Variants in SLC22A3 observed in about 807,000 individuals in gnomAD.
The protein encoded by SLC22A3 is EMT organic cation transporter 3.
A neutral mutation model predicts 59.1 loss-of-function variants in SLC22A3; 51 were observed. The observed-to-expected ratio is 0.86, with a 90% confidence interval of 0.69 to 1.09. The LOEUF (loss-of-function observed/expected upper bound fraction) is 1.09. Ranked by LOEUF, SLC22A3 falls within the 50% of genes least tolerant of loss-of-function variation. The pLI, the probability that SLC22A3 is intolerant of heterozygous loss-of-function variation, is 0.00. For missense variants in SLC22A3, 711 were observed against 726.3 expected, an observed-to-expected ratio of 0.98 and a Z score of 0.24; for synonymous variants, 325 against 292.0, an observed-to-expected ratio of 1.11 and a Z score of -1.15.
Position 160,369,466 on chromosome 6 carries a change from C to T in SLC22A3, c.429+20618C>T, listed in dbSNP as rs1785322400. Among the ~76,000 whole-genome samples, 4 of 152,122 alleles carry T rather than the reference C, an allele frequency of 2.6e-5. 1 individual carries two copies. Among genetic ancestry groups the T allele is most frequent in the South Asian group, 4.1e-4 (2 of 4,832 alleles). ...GATCTTTATTGCCCACTTTATAGTT[C>T]TGTATTTTCATCTCCATTTTTTAAT... On this transcript the variant is annotated intron_variant, in intron 1 of 10. Coordinates refer to ENST00000275300, the MANE Select transcript of SLC22A3 (RefSeq NM_021977.4).
chr6:160,440,747 C>A (rs1481286191), intron 7 of SLC22A3, among the ~76,000 whole-genome samples: 1 of 152,140 alleles, frequency 6.6e-6, no homozygotes, highest in Non-Finnish European at 1.5e-5. Flanking sequence ...AGAAACTTTT[C>A]TTTGGTTACA....
chr6:160,371,091 C>G (rs531300522), intron 1 of SLC22A3, among the ~76,000 whole-genome samples: 1 of 152,302 alleles, frequency 6.6e-6, no homozygotes, highest in Non-Finnish European at 1.5e-5. Context: ...TGGGGCTCAC[C>G]TGGAAGCTTC....
intron 1 of SLC22A3, among the ~76,000 whole-genome samples, chr6:160,375,615 A>G (rs1013002658): frequency 1.3e-5 from 2 of 152,242 alleles, no homozygotes; most frequent in African/African-American, 2.4e-5. Flanking sequence ...TGGCAAAAAT[A>G]TGATGAAAGT....
rs764173637 is a variant in SLC22A3, at chr6:160,398,086, G to T, written c.533+4G>T. ...CCTTAGGCTATGCAGCAGACAGGTA[G>T]GTACCAATGTGACAGCCATTTTATG... On this transcript the variant is annotated splice_donor_region_variant and intron_variant, in intron 2 of 10. Coordinates refer to ENST00000275300, the MANE Select transcript of SLC22A3 (RefSeq NM_021977.4). The T allele has an allele frequency of 1.9e-6, 3 of 1,606,816 alleles. No homozygotes were observed. The highest frequency in any genetic ancestry group is 2.6e-6 in the Non-Finnish European group (3 of 1,173,522).
At chr6:160,432,568 CAGATG>C (rs1788191100) in intron 5 of SLC22A3, among the ~76,000 whole-genome samples, 2 of 152,048 alleles carry the variant, frequency 1.3e-5, no homozygotes, top group South Asian at 4.2e-4. Flanking sequence ...GCTGGGATTA[CAGATG>C]CCCACCACCA....
chr6:160,418,074 A>T (rs1360415739), intron 5 of SLC22A3, among the ~76,000 whole-genome samples: 1 of 152,178 alleles, frequency 6.6e-6, no homozygotes, highest in African/African-American at 2.4e-5. Flanking sequence ...ATAGCTGGGA[A>T]AGTATTGTTT....
chr6:160,374,712 C>G (rs1785526472), intron 1 of SLC22A3, among the ~76,000 whole-genome samples: 1 of 152,142 alleles, frequency 6.6e-6, no homozygotes, highest in Non-Finnish European at 1.5e-5. Flanking sequence ...CACCACAGGG[C>G]TCATCTCTGG....
At chr6:160,380,911 G>A (rs1467546265) in intron 1 of SLC22A3, among the ~76,000 whole-genome samples, 1 of 152,166 alleles carries the variant, frequency 6.6e-6, no homozygotes, top group African/African-American at 2.4e-5. Flanking sequence ...TCAGCTTCTA[G>A]AGCGAACTGA....
At chr6:160,431,083 C>T (rs1788134832) in intron 5 of SLC22A3, among the ~76,000 whole-genome samples, 1 of 152,144 alleles carries the variant, frequency 6.6e-6, no homozygotes, top group African/African-American at 2.4e-5. Flanking sequence ...GTTTATTGTA[C>T]ATAAATTACA....
intron 1 of SLC22A3, among the ~76,000 whole-genome samples, chr6:160,356,025 T>C (rs1280787315): frequency 6.6e-6 from 1 of 152,170 alleles, no homozygotes; most frequent in Non-Finnish European, 1.5e-5. Context: ...TGGCAAATAT[T>C]TGTGATTAAA....
rs1281855353 is a variant in SLC22A3, at chr6:160,404,759, C to T, written c.534-2282C>T. Among the ~76,000 whole-genome samples the T allele has an allele frequency of 2.6e-5, 4 of 151,030 alleles. 1 individual carries two copies. The highest frequency in any genetic ancestry group is 4.4e-5 in the Non-Finnish European group (3 of 67,856). ...AAAGAATAGACCTCTACCAATAGTT[C>T]AGTGGAATAAAATAGAGGGCCTAGA... On this transcript the variant is annotated intron_variant, in intron 2 of 10. Transcript: ENST00000275300.
At chr6:160,407,219 C>T (rs775135142) in intron 3 of SLC22A3, 24 bp downstream of exon 3, 3 of 1,575,384 alleles carry the variant, frequency 1.9e-6, no homozygotes, top group Non-Finnish European at 2.6e-6. Context: ...ACACCATCTT[C>T]TCTATTTGGA....
chr6:160,348,445 A>G lies in SLC22A3; in HGVS notation c.26A>G (p.Gln9Arg). 6.6e-7 allele frequency: 1 copy of G among 1,523,230 alleles called. No homozygotes were observed. The highest frequency in any genetic ancestry group is 1.2e-5 in the South Asian group (1 of 82,536). The allele number at this position is 1,523,230 out of a possible 1,614,324, so 94.4% of individuals were successfully genotyped here. ...ATGCCCTCCTTCGACGAGGCGCTGCAGCGGGTGGGCGAGTTCGGGCGCTTC... is the reference window on the plus strand; with the variant it reads ...ATGCCCTCCTTCGACGAGGCGCTGCGGCGGGTGGGCGAGTTCGGGCGCTTC... MPSFDEAL[Q>R]RVGEFGRFQR... The change falls in exon 1 of 11, where the codon CAG (glutamine) becomes CGG (arginine). Residue 9 changes from glutamine (Q) to arginine (R), a missense_variant. Physicochemically the swap from Gln to Arg is conservative, Grantham distance 43 (BLOSUM62 1). Transcript: ENST00000275300.
chr6:160,431,877 G>A (rs544616718), intron 5 of SLC22A3, among the ~76,000 whole-genome samples: 3 of 152,300 alleles, frequency 2.0e-5, no homozygotes, highest in African/African-American at 7.2e-5. Context: ...TCACTGGCTC[G>A]TGTGTCTGGA....
At chr6:160,443,340 C>G (rs1437217344) in intron 8 of SLC22A3, among the ~76,000 whole-genome samples, 1 of 152,164 alleles carries the variant, frequency 6.6e-6, no homozygotes, top group African/African-American at 2.4e-5. Flanking sequence ...CACACTTCTC[C>G]CTCAGATGAG....
intron 1 of SLC22A3, among the ~76,000 whole-genome samples, chr6:160,353,060 G>A (rs1237463672): frequency 6.6e-6 from 1 of 152,136 alleles, no homozygotes; most frequent in South Asian, 2.1e-4. Flanking sequence ...GCTTGCCTAG[G>A]CCTCCGAAAG....
intron 5 of SLC22A3, among the ~76,000 whole-genome samples, chr6:160,427,383 G>A (rs1788003601): frequency 6.6e-6 from 1 of 152,178 alleles, no homozygotes; most frequent in Non-Finnish European, 1.5e-5. Context: ...CACCCTGGCT[G>A]TCCTTGACCT....
chr6:160,400,154 A>C (rs1421610728), intron 2 of SLC22A3, among the ~76,000 whole-genome samples: 1 of 149,946 alleles, frequency 6.7e-6, no homozygotes, highest in Non-Finnish European at 1.5e-5. Context: ...ATATTAAGGA[A>C]AATCCCTCAT....
At position 160,404,200 on chromosome 6, in the gene SLC22A3, C is replaced by CA. The variant is rs58189795; in HGVS notation, c.534-2830dup. On this transcript the variant is annotated intron_variant, in intron 2 of 10. Coordinates refer to ENST00000275300, the MANE Select transcript of SLC22A3 (RefSeq NM_021977.4). ...CAAAAGAATTAACAACAACAACAAC[C>CA]AAAAAAAAAAACTCCTGAAACTAAT... 5.1e-3 allele frequency among the ~76,000 whole-genome samples: 766 copies of CA among 149,708 alleles called. 2 individuals are homozygous for CA. The highest frequency in any genetic ancestry group is 7.2e-3 in the Non-Finnish European group (487 of 67,184).
Sources: gnomAD v4.1 joint callset for allele counts (sites outside exome capture counted in the v4.1 genomes callset) on GRCh38, gnomAD v4.1.1 for gene constraint, MANE v1.5 for transcripts, NCBI Gene and HGNC (gene_info 2026-07-23, HGNC 2026-07-21) for gene names.